Variants in VRK1 observed in about 807,000 individuals in gnomAD.
The protein encoded by VRK1 is serine/threonine-protein kinase VRK1.
Under a neutral mutation model 57.1 loss-of-function variants are expected in VRK1, and 33 were observed. The observed-to-expected ratio is 0.58, with a 90% confidence interval of 0.44 to 0.77. The LOEUF (loss-of-function observed/expected upper bound fraction) is 0.77. VRK1 is among the 30% of genes least tolerant of loss of function. The probability of loss-of-function intolerance (pLI) is 0.00; values close to 1 mark genes in which losing one functional copy is unlikely to be tolerated. For synonymous variants in VRK1, 137 were observed against 147.8 expected, an observed-to-expected ratio of 0.93 and a Z score of 0.53; for missense variants, 413 against 477.3, an observed-to-expected ratio of 0.87 and a Z score of 1.25.
chr14:96,835,056 G>T (rs1028754233), intron 2 of VRK1, among the ~76,000 whole-genome samples: 3 of 152,106 alleles, frequency 2.0e-5, no homozygotes, highest in African/African-American at 7.2e-5. Context: ...ATCAAAAGGT[G>T]CCATCTAATA....
intron 1 of VRK1, among the ~76,000 whole-genome samples, chr14:96,831,089 A>G (rs1392759358): frequency 6.6e-6 from 1 of 152,126 alleles, no homozygotes; most frequent in East Asian, 1.9e-4. Context: ...CTTTTCTCAC[A>G]GTGTCTTGTG....
At chr14:96,877,685 T>G in intron 12 of VRK1, 2 of 1,263,418 alleles carry the variant, frequency 1.6e-6, no homozygotes, top group Non-Finnish European at 2.0e-6. Flanking sequence ...TCCTGCATTG[T>G]TCTAGTGAGA....
At position 96,863,278 on chromosome 14, in the gene VRK1, A is replaced by G. The variant is rs566576695; in HGVS notation, c.1068+2543A>G. Among the ~76,000 whole-genome samples, 158 of 152,324 alleles carry G rather than the reference A, an allele frequency of 1.0e-3. 1 individual carries two copies. Among genetic ancestry groups the G allele is most frequent in the Middle Eastern group, 3.4e-3 (1 of 294 alleles). On this transcript the variant is annotated intron_variant, in intron 11 of 12. Coordinates refer to ENST00000216639, the MANE Select transcript of VRK1 (RefSeq NM_003384.3). Reference sequence around the variant, plus strand: ...ACATTTTCAGTTTTTAGAATCTGGCAGTACAGTGCAACAGTTATTGGATTC... The same window carrying G: ...ACATTTTCAGTTTTTAGAATCTGGCGGTACAGTGCAACAGTTATTGGATTC...
At chr14:96,838,574 A>G (rs201270473) in intron 3 of VRK1, among the ~76,000 whole-genome samples, 1 of 145,572 alleles carries the variant, frequency 6.9e-6, no homozygotes, top group Non-Finnish European at 1.5e-5. Context: ...CTTTTTCTCT[A>G]CGGGATACAT....
intron 1 of VRK1, among the ~76,000 whole-genome samples, chr14:96,814,793 G>C (rs1193421251): frequency 6.6e-6 from 1 of 152,032 alleles, no homozygotes; most frequent in Non-Finnish European, 1.5e-5. Context: ...GATATATCTT[G>C]GCGAATATTC....
chr14:96,821,374 C>T (rs1221181843), intron 1 of VRK1, among the ~76,000 whole-genome samples: 2 of 151,988 alleles, frequency 1.3e-5, no homozygotes, highest in Non-Finnish European at 2.9e-5. Flanking sequence ...GTCACTAATA[C>T]CAATTGTTTC....
At chr14:96,881,066 C>T (rs911157002) in intron 12 of VRK1, 111 bp from the exon 13 acceptor site, 9 of 943,256 alleles carry the variant, frequency 9.5e-6, no homozygotes, top group African/African-American at 5.0e-5. Flanking sequence ...TCACGAGAGT[C>T]GATTTGATTT....
intron 1 of VRK1, among the ~76,000 whole-genome samples, chr14:96,830,746 G>A (rs1451327714): frequency 6.6e-6 from 1 of 152,114 alleles, no homozygotes; most frequent in Non-Finnish European, 1.5e-5. Context: ...TATGCAATTA[G>A]TTTTAGATAG....
intron 1 of VRK1, among the ~76,000 whole-genome samples, chr14:96,806,561 A>G (rs1406001881): frequency 6.6e-6 from 1 of 152,198 alleles, no homozygotes; most frequent in Non-Finnish European, 1.5e-5. Context: ...TAGTTCAAAT[A>G]TTGACTGCTG....
At chr14:96,879,591 AC>A (rs1422450662) in intron 12 of VRK1, among the ~76,000 whole-genome samples, 1 of 152,162 alleles carries the variant, frequency 6.6e-6, no homozygotes, top group Non-Finnish European at 1.5e-5. Context: ...TGCCAGTCTC[AC>A]TATCGCAGCA....
chr14:96,835,032 T>A (rs1271487922), intron 2 of VRK1, among the ~76,000 whole-genome samples: 1 of 152,240 alleles, frequency 6.6e-6, no homozygotes, highest in Non-Finnish European at 1.5e-5. Flanking sequence ...TCATCTGTTT[T>A]ATCTGTATTT....
At chr14:96,847,869 A>G (rs369709017) in intron 5 of VRK1, among the ~76,000 whole-genome samples, 69 of 152,358 alleles carry the variant, frequency 4.5e-4, no homozygotes, top group African/African-American at 1.5e-3. Flanking sequence ...GCTAAGTTGT[A>G]TAATACTGAC....
At chr14:96,863,771 G>T (rs1001789347) in intron 11 of VRK1, among the ~76,000 whole-genome samples, 18 of 151,888 alleles carry the variant, frequency 1.2e-4, no homozygotes, top group Admixed American at 1.1e-3. Context: ...TCTTTCTAGA[G>T]TTTCTCTTAT....
intron 11 of VRK1, among the ~76,000 whole-genome samples, chr14:96,875,017 T>C (rs1472746669): frequency 6.6e-6 from 1 of 152,220 alleles, no homozygotes; most frequent in African/African-American, 2.4e-5. Context: ...ATTTGGGGCA[T>C]GTCGGATGGT....
chr14:96,800,032 A>G (rs1207437395), intron 1 of VRK1, among the ~76,000 whole-genome samples: 1 of 151,410 alleles, frequency 6.6e-6, no homozygotes, highest in African/African-American at 2.4e-5. Flanking sequence ...AAACTGCACT[A>G]TTAATGTTAA....
chr14:96,808,182 G>A (rs1303278683), intron 1 of VRK1, among the ~76,000 whole-genome samples: 1 of 151,988 alleles, frequency 6.6e-6, no homozygotes, highest in Non-Finnish European at 1.5e-5. Flanking sequence ...GAAAATAATA[G>A]GAGTATCTTG....
At chr14:96,824,439 T>C (rs1334840766) in intron 1 of VRK1, among the ~76,000 whole-genome samples, 1 of 152,104 alleles carries the variant, frequency 6.6e-6, no homozygotes, top group Non-Finnish European at 1.5e-5. Flanking sequence ...GCAAATGAGA[T>C]GATTCAGTGT....
intron 12 of VRK1, among the ~76,000 whole-genome samples, chr14:96,878,360 T>G (rs1487275900): frequency 6.6e-6 from 1 of 152,218 alleles, no homozygotes; most frequent in Non-Finnish European, 1.5e-5. Context: ...GTTTTAGGGC[T>G]TTAAGATTTT....
intron 1 of VRK1, among the ~76,000 whole-genome samples, chr14:96,816,287 G>A (rs929374486): frequency 5.9e-5 from 9 of 152,226 alleles, no homozygotes; most frequent in Admixed American, 4.6e-4. Context: ...ATGAGGCAAA[G>A]CATAGACAAA....
Sources: allele counts gnomAD v4.1 joint callset (sites outside exome capture counted in the v4.1 genomes callset), GRCh38; gene constraint gnomAD v4.1.1; transcripts MANE v1.5; gene names NCBI Gene and HGNC (gene_info 2026-07-23, HGNC 2026-07-21).